Variants in SIMC1 observed in about 807,000 individuals in gnomAD.
SIMC1 encodes the protein SUMO interacting motifs containing 1.
In SIMC1, 55 loss-of-function variants were observed where a neutral mutation model predicts 82.3. The observed-to-expected ratio is 0.67, with a 90% CI of 0.54 to 0.84. The LOEUF (loss-of-function observed/expected upper bound fraction) is 0.84. Ranked by LOEUF, SIMC1 falls within the 40% of genes least tolerant of loss-of-function variation. SIMC1 has a pLI of 0.00. For synonymous variants in SIMC1, 353 were observed against 426.3 expected (o/e 0.83, Z 2.12); for missense variants, 915 against 1,107.2 (o/e 0.83, Z 2.46).
chr5:176,295,233 G>A lies in SIMC1; in HGVS notation c.1635G>A (p.Glu545=). The change falls in exon 3 of 10, where the codon GAG becomes GAA. Residue 545 remains glutamate (E), a synonymous_variant. Coordinates refer to ENST00000429602, the MANE Select transcript of SIMC1 (RefSeq NM_001308195.2). ...CTGAGACTGTGGATGTCCTAAAGGA[G>A]GCCTACATGCTTCTCATGAAAATTC... is the stretch of plus-strand genomic sequence containing the variant. ...SGSETVDVLK[E]AYMLLMKIQQ... is the part of the protein sequence containing the mutation. 1 of 1,613,110 alleles carries A rather than the reference G, an allele frequency of 6.2e-7. No individual in the cohort carries two copies. Among genetic ancestry groups the A allele is most frequent in the Non-Finnish European group, 8.5e-7 (1 of 1,179,472 alleles).
At chr5:176,278,810 A>G (rs1204711235) in intron 1 of SIMC1, among the ~76,000 whole-genome samples, 4 of 147,372 alleles carry the variant, frequency 2.7e-5, no homozygotes, top group Admixed American at 6.9e-5. Flanking sequence ...CCACTTGATC[A>G]TGGTGGATAA....
At chr5:176,291,406 C>T (rs865809699) in intron 2 of SIMC1, among the ~76,000 whole-genome samples, 4 of 149,206 alleles carry the variant, frequency 2.7e-5, no homozygotes, top group East Asian at 2.0e-4. Flanking sequence ...GCACGATCTC[C>T]GCTCACTGCA....
At chr5:176,307,937 A>G in intron 4 of SIMC1, 1 of 557,354 alleles carries the variant, frequency 1.8e-6, no homozygotes. Flanking sequence ...ACATACATTC[A>G]AATGTTCAAA....
intron 7 of SIMC1, among the ~76,000 whole-genome samples, chr5:176,331,840 GCGC>G (rs1273874477): frequency 6.6e-6 from 1 of 151,782 alleles, no homozygotes; most frequent in African/African-American, 2.4e-5. Flanking sequence ...GTGGTGGCGG[GCGC>G]CTGTAATCTC....
chr5:176,303,576 T>A (rs1486982431), intron 4 of SIMC1, among the ~76,000 whole-genome samples: 1 of 152,174 alleles, frequency 6.6e-6, no homozygotes, highest in African/African-American at 2.4e-5. Context: ...CGCCTCGGCC[T>A]CCCGAAGTGC....
intron 1 of SIMC1, among the ~76,000 whole-genome samples, chr5:176,256,308 A>C (rs1176514168): frequency 2.0e-5 from 3 of 152,104 alleles, no homozygotes; most frequent in Non-Finnish European, 4.4e-5. Context: ...TGTGTATATA[A>C]ATATATATAC....
At chr5:176,321,885 CTTTTTTTT>C (rs11418187) in intron 5 of SIMC1, among the ~76,000 whole-genome samples, 1 of 90,720 alleles carries the variant, frequency 1.1e-5, no homozygotes, top group Admixed American at 1.6e-4. Context: ...TTTTAGTTAG[CTTTTTTTT>C]TTTTTTTTTT....
chr5:176,308,067 C>A, intron 4 of SIMC1: 1 of 721,374 alleles, frequency 1.4e-6, no homozygotes, highest in Non-Finnish European at 2.6e-6. Flanking sequence ...GCCAAGATGG[C>A]AGTGCAGGTG....
rs761787152 is a variant in SIMC1, at chr5:176,296,235, T to C, written c.1665-16T>C. 28 of 1,607,396 alleles carry C rather than the reference T, an allele frequency of 1.7e-5. No homozygotes were observed. The highest frequency in any genetic ancestry group is 1.2e-4 in the Admixed American group (7 of 58,760). On this transcript the variant is annotated splice_polypyrimidine_tract_variant and intron_variant, in intron 3 of 9. Coordinates refer to ENST00000429602, the MANE Select transcript of SIMC1 (RefSeq NM_001308195.2). ...TAAATTCTCCATAATTCTAATTGAT[T>C]TCACTTGACTTTCAGGCTACATCCA...
chr5:176,298,380 C>T (rs1180506807), intron 4 of SIMC1, among the ~76,000 whole-genome samples: 1 of 152,232 alleles, frequency 6.6e-6, no homozygotes. Flanking sequence ...GCCACCACAC[C>T]TGTCCTGGAG....
chr5:176,303,551 C>T (rs947474564), intron 4 of SIMC1, among the ~76,000 whole-genome samples: 17 of 152,158 alleles, frequency 1.1e-4, no homozygotes, highest in Non-Finnish European at 2.4e-4. Context: ...AACTCCCGAC[C>T]TCAGATGATC....
intron 1 of SIMC1, among the ~76,000 whole-genome samples, chr5:176,276,907 T>C (rs1405332921): frequency 6.6e-6 from 1 of 150,582 alleles, no homozygotes; most frequent in East Asian, 1.9e-4. Context: ...GCAGTAAACA[T>C]ACGTGTACAT....
chr5:176,288,143 C>T (rs1412516952), intron 1 of SIMC1, among the ~76,000 whole-genome samples: 8 of 152,180 alleles, frequency 5.3e-5, no homozygotes, highest in Non-Finnish European at 7.3e-5. Context: ...CACAGTGGCT[C>T]GTGCCTGTAA....
At chr5:176,277,612 A>T (rs1389447254) in intron 1 of SIMC1, among the ~76,000 whole-genome samples, 2 of 151,918 alleles carry the variant, frequency 1.3e-5, no homozygotes, top group African/African-American at 4.8e-5. Context: ...ATCTATCTTG[A>T]ATTGATTTTT....
chr5:176,254,602 C>CA (rs1274309302), intron 1 of SIMC1, among the ~76,000 whole-genome samples: 1 of 150,342 alleles, frequency 6.7e-6, no homozygotes, highest in African/African-American at 2.5e-5. Context: ...AACAGGAACT[C>CA]AAAGACAATG....
intron 4 of SIMC1, among the ~76,000 whole-genome samples, chr5:176,297,370 C>T (rs1459599179): frequency 3.9e-5 from 6 of 151,978 alleles, no homozygotes; most frequent in Non-Finnish European, 7.4e-5. Context: ...GGTGTGGTGG[C>T]ACATGCCTGT....
At chr5:176,252,344 G>C (rs1212334925) in intron 1 of SIMC1, among the ~76,000 whole-genome samples, 1 of 151,486 alleles carries the variant, frequency 6.6e-6, no homozygotes, top group African/African-American at 2.4e-5. Context: ...CTTCCCAGAC[G>C]GGGTGGCTGC....
intron 1 of SIMC1, among the ~76,000 whole-genome samples, chr5:176,255,150 C>T (rs1017410524): frequency 7.3e-5 from 11 of 151,688 alleles, no homozygotes; most frequent in East Asian, 1.9e-4. Flanking sequence ...GTGGTGGGCA[C>T]CTGTAATCCC....
intron 7 of SIMC1, among the ~76,000 whole-genome samples, chr5:176,331,976 AC>A (rs1765690437): frequency 6.6e-6 from 1 of 152,018 alleles, no homozygotes; most frequent in African/African-American, 2.4e-5. Context: ...AAAAAAAAAA[AC>A]AAACAAACAC....
Sources: gnomAD v4.1 joint callset for allele counts (sites outside exome capture counted in the v4.1 genomes callset) on GRCh38, gnomAD v4.1.1 for gene constraint, MANE v1.5 for transcripts, NCBI Gene and HGNC (gene_info 2026-07-23, HGNC 2026-07-21) for gene names.